Variants in RUNX1 observed in about 807,000 individuals in gnomAD.
The protein encoded by RUNX1 is RUNX family transcription factor 1.
In RUNX1, 19 loss-of-function variants were observed where a neutral mutation model predicts 42.8. The ratio of observed to expected loss-of-function variants is 0.44; its 90% CI spans 0.31 to 0.65. The LOEUF (loss-of-function observed/expected upper bound fraction) is 0.65. Among genes scored for constraint, RUNX1 ranks in the 30% least tolerant of loss-of-function variants. The probability of loss-of-function intolerance (pLI) is 0.07; values close to 1 mark genes in which losing one functional copy is unlikely to be tolerated. For missense variants in RUNX1, 528 were observed against 672.0 expected (o/e 0.79, Z 2.37); for synonymous variants, 271 against 289.4 (o/e 0.94, Z 0.64).
At chr21:35,011,420 G>A (rs1039094679) in intron 2 of RUNX1, among the ~76,000 whole-genome samples, 13 of 152,146 alleles carry the variant, frequency 8.5e-5, no homozygotes, top group Admixed American at 4.6e-4. Context: ...ATAAAGTAAA[G>A]GTTCCATCCC....
chr21:35,032,993 T>G (rs775335061), intron 2 of RUNX1, among the ~76,000 whole-genome samples: 1 of 152,130 alleles, frequency 6.6e-6, no homozygotes, highest in Non-Finnish European at 1.5e-5. Flanking sequence ...TATCCATCCA[T>G]CCCTCTATCA....
intron 2 of RUNX1, among the ~76,000 whole-genome samples, chr21:34,950,011 T>C (rs539225698): frequency 3.9e-5 from 6 of 152,304 alleles, no homozygotes; most frequent in African/African-American, 1.2e-4. Context: ...TTTTATAACA[T>C]GAAGCAGCCT....
intron 2 of RUNX1, among the ~76,000 whole-genome samples, chr21:34,971,499 T>C (rs1463576130): frequency 1.3e-5 from 2 of 149,344 alleles, no homozygotes; most frequent in Admixed American, 6.7e-5. Context: ...TTAAAATTTT[T>C]ATCAGCCATC....
chr21:35,016,974 G>T (rs2059163616), intron 2 of RUNX1, among the ~76,000 whole-genome samples: 2 of 151,748 alleles, frequency 1.3e-5, no homozygotes, highest in African/African-American at 4.8e-5. Context: ...GCAGAGTAAG[G>T]GCCCAAAGAG....
chr21:34,932,513 T>C (rs995420092), intron 2 of RUNX1, among the ~76,000 whole-genome samples: 2 of 152,196 alleles, frequency 1.3e-5, no homozygotes, highest in African/African-American at 4.8e-5. Flanking sequence ...GATTTTCTTT[T>C]AGAAAACCAT....
chr21:35,025,504 G>A (rs958318049), intron 2 of RUNX1, among the ~76,000 whole-genome samples: 7 of 152,154 alleles, frequency 4.6e-5, no homozygotes, highest in Admixed American at 3.3e-4. Context: ...CCCAGCACAC[G>A]CTATCCCTGG....
chr21:34,963,297 T>C lies in RUNX1; in HGVS notation c.59-70334A>G, dbSNP rs185459666. On this transcript the variant is annotated intron_variant, in intron 2 of 8. Transcript: ENST00000675419. The stretch of plus-strand genomic sequence containing the variant: ...GAAGGTGCTGGGTCCACGTGGAAGA[T>C]GACACTCCTCCCCCCGGCACATCTG... 8.5e-5 allele frequency among the ~76,000 whole-genome samples: 13 copies of C among 152,266 alleles called. No individual in the cohort carries two copies. The East Asian group carries it at 2.5e-3, about 29-fold the overall frequency.
rs185755823 is a variant in RUNX1 at position 34,859,914 on chromosome 21, C to T, written c.509-336G>A. ...CCACTTCTGGTTCCCAACTTCCCTG[C>T]TCCCATCTTTCCCAATTATTTATAA... On this transcript the variant is annotated intron_variant, in intron 5 of 8. Transcript: ENST00000675419. Among the ~76,000 whole-genome samples the T allele has an allele frequency of 1.8e-3, 273 of 152,360 alleles. 1 individual carries two copies. Among genetic ancestry groups the T allele is most frequent in the Non-Finnish European group, 3.2e-3 (218 of 68,036 alleles).
At position 35,046,573 on chromosome 21, in the gene RUNX1, G is replaced by A. The variant is rs114778415; in HGVS notation, c.58+2269C>T. Among the ~76,000 whole-genome samples the A allele has an allele frequency of 8.4e-3, 1,276 of 152,304 alleles. 17 individuals are homozygous for A. The highest frequency in any genetic ancestry group is 0.029 in the African/African-American group (1,222 of 41,558). On this transcript the variant is annotated intron_variant, in intron 2 of 8. Transcript: ENST00000675419. ...TGGGGGAGAGCCATTTGTTGGCAGG[G>A]ATGGTGATTCTTCTAGCATCAAGCT...
chr21:34,995,180 G>A (rs1445918304), intron 2 of RUNX1, among the ~76,000 whole-genome samples: 1 of 152,202 alleles, frequency 6.6e-6, no homozygotes, highest in Non-Finnish European at 1.5e-5. Flanking sequence ...CCCACCTTGT[G>A]AGGCCACTAT....
At chr21:35,012,469 C>G (rs1373223185) in intron 2 of RUNX1, among the ~76,000 whole-genome samples, 1 of 152,188 alleles carries the variant, frequency 6.6e-6, no homozygotes, top group Non-Finnish European at 1.5e-5. Flanking sequence ...TTTTGTATAA[C>G]TCTCAGATAT....
intron 2 of RUNX1, among the ~76,000 whole-genome samples, chr21:34,922,607 AG>A (rs1300462620): frequency 6.6e-6 from 1 of 152,172 alleles, no homozygotes; most frequent in African/African-American, 2.4e-5. Flanking sequence ...GGGCTGATGA[AG>A]GAGCATGGGG....
chr21:34,886,703 C>A (rs1345216336), intron 4 of RUNX1, 140 bp downstream of exon 4: 17 of 1,361,314 alleles, frequency 1.2e-5, no homozygotes, highest in South Asian at 2.6e-5. Flanking sequence ...CCCCCACATC[C>A]CAAGCTAGGA....
intron 2 of RUNX1, among the ~76,000 whole-genome samples, chr21:34,992,682 A>AG (rs1555913103): frequency 6.6e-6 from 1 of 151,732 alleles, no homozygotes; most frequent in Non-Finnish European, 1.5e-5. Context: ...TATAAAAAAA[A>AG]AAAAAAGAAA....
chr21:34,913,479 A>G (rs2058288540), intron 2 of RUNX1, among the ~76,000 whole-genome samples: 1 of 152,190 alleles, frequency 6.6e-6, no homozygotes, highest in Non-Finnish European at 1.5e-5. Context: ...CTTTGGGAAC[A>G]GTGGTTGGTG....
chr21:34,935,512 G>C (rs951805231), intron 2 of RUNX1, among the ~76,000 whole-genome samples: 1 of 152,126 alleles, frequency 6.6e-6, no homozygotes, highest in African/African-American at 2.4e-5. Context: ...TTTTAGTATT[G>C]TGGTAAGAAT....
chr21:35,032,371 C>G (rs186511813), intron 2 of RUNX1, among the ~76,000 whole-genome samples: 28 of 152,224 alleles, frequency 1.8e-4, no homozygotes, highest in Non-Finnish European at 3.5e-4. Context: ...CACTAGTTAC[C>G]TTTTTTGAAG....
intron 2 of RUNX1, among the ~76,000 whole-genome samples, chr21:35,003,518 T>A (rs141886987): frequency 9.4e-5 from 13 of 138,816 alleles, no homozygotes; most frequent in African/African-American, 3.7e-4. Flanking sequence ...AGAAAAGCTG[T>A]CTTTTTTTTT....
intron 7 of RUNX1, among the ~76,000 whole-genome samples, chr21:34,812,906 AACAAGAGGGATGACCT>A (rs2145961075): frequency 6.6e-6 from 1 of 152,326 alleles, no homozygotes; most frequent in South Asian, 2.1e-4. Flanking sequence ...ACTCTTGCTC[AACAAGAGGGATGACCT>A]ATGGAAGACA....
Sources: gnomAD v4.1 joint callset for allele counts (sites outside exome capture counted in the v4.1 genomes callset) on GRCh38, gnomAD v4.1.1 for gene constraint, MANE v1.5 for transcripts, NCBI Gene and HGNC (gene_info 2026-07-23, HGNC 2026-07-21) for gene names.